Variants in TNKS observed in about 807,000 individuals in gnomAD.
TNKS encodes the protein tankyrase, also known as poly [ADP-ribose] polymerase tankyrase-1.
Under a neutral mutation model 135.8 loss-of-function variants are expected in TNKS, and 72 were observed. That is an observed-to-expected ratio of 0.53 (90% confidence interval 0.44 to 0.64). The LOEUF (loss-of-function observed/expected upper bound fraction) is 0.64. TNKS is among the 30% of genes least tolerant of loss of function. The pLI, the probability that TNKS is intolerant of heterozygous loss-of-function variation, is 0.00. For missense variants in TNKS, 1,769 were observed against 1,674.0 expected, an observed-to-expected ratio of 1.06 and a Z score of -0.99; for synonymous variants, 849 against 649.3, an observed-to-expected ratio of 1.31 and a Z score of -4.68.
At chr8:9,694,472 A>G (rs1045437229) in intron 5 of TNKS, among the ~76,000 whole-genome samples, 9 of 152,124 alleles carry the variant, frequency 5.9e-5, no homozygotes, top group African/African-American at 2.2e-4. Context: ...TTCAAAAAGT[A>G]TTGTCCAGGC....
chr8:9,646,231 C>T (rs1414036980), intron 3 of TNKS, among the ~76,000 whole-genome samples: 1 of 151,762 alleles, frequency 6.6e-6, no homozygotes, highest in Admixed American at 6.6e-5. Context: ...AAAAGATTTC[C>T]TTGTTTTTTT....
chr8:9,712,537 T>G (rs1804389850), intron 11 of TNKS, among the ~76,000 whole-genome samples: 1 of 152,096 alleles, frequency 6.6e-6, no homozygotes, highest in Non-Finnish European at 1.5e-5. Context: ...ATCACAATTT[T>G]TATAAGTTTT....
chr8:9,689,794 C>T (rs2128801021), intron 5 of TNKS, among the ~76,000 whole-genome samples: 1 of 152,302 alleles, frequency 6.6e-6, no homozygotes, highest in Admixed American at 6.5e-5. Context: ...AGGAATTTGT[C>T]ACTTTCCCAG....
chr8:9,561,100 A>G (rs1037708233), intron 1 of TNKS, among the ~76,000 whole-genome samples: 4 of 152,230 alleles, frequency 2.6e-5, no homozygotes, highest in Non-Finnish European at 5.9e-5. Flanking sequence ...GTATTCCTAC[A>G]TATATGTTCT....
chr8:9,636,090 G>T lies in TNKS; in HGVS notation c.994+20413G>T, dbSNP rs193293670. Among the ~76,000 whole-genome samples the T allele has an allele frequency of 2.5e-4, 38 of 152,272 alleles. No homozygotes were observed. The Middle Eastern group carries it at 0.01, about 41-fold the overall frequency. ...AGTACTAAACGCAAGGAGAAATAAT[G>T]TATCGATGTATTGCAGCCTTCTCAA... On this transcript the variant is annotated intron_variant, in intron 3 of 26. Coordinates refer to ENST00000310430, the MANE Select transcript of TNKS (RefSeq NM_003747.3).
intron 2 of TNKS, among the ~76,000 whole-genome samples, chr8:9,587,837 A>G (rs1220255441): frequency 4.6e-5 from 7 of 152,250 alleles, no homozygotes; most frequent in African/African-American, 1.7e-4. Context: ...TAGCAAGCAT[A>G]TATTATAAAA....
chr8:9,655,276 C>T (rs993863868), intron 3 of TNKS, among the ~76,000 whole-genome samples: 15 of 152,222 alleles, frequency 9.9e-5, no homozygotes, highest in African/African-American at 3.6e-4. Flanking sequence ...CACCGCAGCT[C>T]AAGGAGGCCT....
chr8:9,741,838 G>T, intron 17 of TNKS: 1 of 348,452 alleles, frequency 2.9e-6, no homozygotes, highest in East Asian at 6.7e-5. Flanking sequence ...AATGCAATCG[G>T]TCTCCTGACC....
intron 6 of TNKS, 114 bp downstream of exon 6, chr8:9,704,871 T>C: frequency 1.5e-6 from 1 of 687,296 alleles, no homozygotes; most frequent in Non-Finnish European, 2.4e-6. Flanking sequence ...CATAACGTTT[T>C]AAGAATGTTC....
chr8:9,725,111 A>G (rs1805096730), intron 12 of TNKS, among the ~76,000 whole-genome samples: 1 of 152,178 alleles, frequency 6.6e-6, no homozygotes, highest in Admixed American at 6.5e-5. Flanking sequence ...CTTACCTATA[A>G]ATGCGGTAGT....
chr8:9,638,512 C>CT (rs1296034365), intron 3 of TNKS, among the ~76,000 whole-genome samples: 2 of 152,266 alleles, frequency 1.3e-5, no homozygotes, highest in African/African-American at 4.8e-5. Flanking sequence ...ATTTTACCTA[C>CT]TTTTTTTCTA....
intron 3 of TNKS, among the ~76,000 whole-genome samples, chr8:9,679,148 G>A (rs949284042): frequency 1.3e-5 from 2 of 152,034 alleles, no homozygotes; most frequent in Non-Finnish European, 2.9e-5. Flanking sequence ...ATAGAATGGG[G>A]GAAAATTACC....
chr8:9,768,737 A>G (rs992472051), intron 25 of TNKS, among the ~76,000 whole-genome samples: 2 of 152,242 alleles, frequency 1.3e-5, no homozygotes, highest in African/African-American at 4.8e-5. Flanking sequence ...TAGCACTGCC[A>G]CAAATGTAGA....
chr8:9,647,038 T>A lies in TNKS; in HGVS notation c.994+31361T>A, dbSNP rs367686853. 2.6e-5 allele frequency among the ~76,000 whole-genome samples: 4 copies of A among 152,282 alleles called. No individual in the cohort carries two copies. In the East Asian group the frequency reaches 7.7e-4, roughly 29 times the overall value. ...GTGGATCAGATTTGCAAAACTCCATTTTCTAGCCAATATCATAGGAAAATT... is the reference window on the plus strand; with the variant it reads ...GTGGATCAGATTTGCAAAACTCCATATTCTAGCCAATATCATAGGAAAATT... On this transcript the variant is annotated intron_variant, in intron 3 of 26. Transcript: ENST00000310430.
intron 3 of TNKS, among the ~76,000 whole-genome samples, chr8:9,661,550 G>C (rs1190920906): frequency 2.0e-5 from 3 of 152,082 alleles, no homozygotes; most frequent in Non-Finnish European, 4.4e-5. Context: ...GCTGAAACTG[G>C]ATCCCTTCCT....
intron 20 of TNKS, among the ~76,000 whole-genome samples, chr8:9,759,999 A>G (rs546086455): frequency 2.4e-4 from 37 of 152,240 alleles, no homozygotes; most frequent in African/African-American, 8.9e-4. Context: ...AAACAAAAAA[A>G]AAAAAAGTAA....
intron 3 of TNKS, among the ~76,000 whole-genome samples, chr8:9,637,626 C>T (rs1585261696): frequency 6.6e-6 from 1 of 152,084 alleles, no homozygotes; most frequent in East Asian, 1.9e-4. Context: ...GGGACAGTAT[C>T]CTTTTCTCCA....
At chr8:9,692,058 C>A (rs937169907) in intron 5 of TNKS, among the ~76,000 whole-genome samples, 15 of 152,030 alleles carry the variant, frequency 9.9e-5, no homozygotes, top group Non-Finnish European at 7.4e-5. Flanking sequence ...TGTTGTCCCC[C>A]CTACTTTTAT....
At chr8:9,571,614 C>T (rs1024123820) in intron 1 of TNKS, among the ~76,000 whole-genome samples, 2 of 152,234 alleles carry the variant, frequency 1.3e-5, no homozygotes, top group Admixed American at 6.5e-5. Flanking sequence ...CCCACCACCA[C>T]GCCTGGCTAT....
Sources: gnomAD v4.1 joint callset for allele counts (sites outside exome capture counted in the v4.1 genomes callset) on GRCh38, gnomAD v4.1.1 for gene constraint, MANE v1.5 for transcripts, NCBI Gene and HGNC (gene_info 2026-07-23, HGNC 2026-07-21) for gene names.